The following PLA2R1 variants were observed in gnomAD, a reference collection of about 807,000 sequenced individuals.
PLA2R1 encodes phospholipase A2 receptor 1, also known as secretory phospholipase A2 receptor.
A neutral mutation model predicts 195.9 loss-of-function variants in PLA2R1; 158 were observed. The observed-to-expected ratio is 0.81, with a 90% CI of 0.71 to 0.92. PLA2R1 has a LOEUF of 0.92. Ranked by LOEUF, PLA2R1 falls within the 40% of genes least tolerant of loss-of-function variation. PLA2R1 has a pLI of 0.00. For missense variants in PLA2R1, 1,626 were observed against 1,764.6 expected, an observed-to-expected ratio of 0.92 and a Z score of 1.41; for synonymous variants, 586 against 598.2, an observed-to-expected ratio of 0.98 and a Z score of 0.30.
At chr2:159,953,619 G>A (rs1320575812) in intron 23 of PLA2R1, among the ~76,000 whole-genome samples, 1 of 152,208 alleles carries the variant, frequency 6.6e-6, no homozygotes, top group Non-Finnish European at 1.5e-5. Context: ...ACAAAGAAGG[G>A]TGGGAACCCA....
At position 159,955,228 on chromosome 2, in the gene PLA2R1, C is replaced by T. The variant is rs778997231; in HGVS notation, c.3272G>A (p.Gly1091Asp). ...KWYFEDCGKE[G>D]YGFVCEKMQD... ...CATTTTTTCACAAACAAACCCATAG[C>T]CTTCCTTTCCACAGTCTTCAAAATA... Residue 1091 changes from glycine (G) to aspartate (D), a missense_variant, in exon 23 of 30, where the codon GGC becomes GAC. Transcript: ENST00000283243. The T allele has an allele frequency of 2.5e-5, 40 of 1,609,940 alleles. No individual in the cohort carries two copies. The highest frequency in any genetic ancestry group is 2.7e-5 in the Non-Finnish European group (32 of 1,178,164).
intron 11 of PLA2R1, among the ~76,000 whole-genome samples, chr2:159,993,372 C>A (rs963264892): frequency 4.0e-5 from 6 of 151,532 alleles, no homozygotes; most frequent in Non-Finnish European, 7.4e-5. Flanking sequence ...AAAGGAAATC[C>A]AGTTAAAATA....
intron 11 of PLA2R1, among the ~76,000 whole-genome samples, chr2:159,997,408 C>T (rs1558886657): frequency 6.6e-6 from 1 of 152,102 alleles, no homozygotes; most frequent in Non-Finnish European, 1.5e-5. Flanking sequence ...GATAAAACTC[C>T]AGTAGCAGTC....
In PLA2R1 at chr2:159,946,785, T is replaced by C; in HGVS notation, c.3967+16A>G. On this transcript the variant is annotated intron_variant, in intron 27 of 29. Transcript: ENST00000283243. ...ATGTATTTATTTATGTCCTCTCCTC[T>C]ACCCAAATCACTTACTGTTACCATC... 1 of 1,596,826 alleles carries C rather than the reference T, an allele frequency of 6.3e-7. No homozygotes were observed. The highest frequency in any genetic ancestry group is 8.5e-7 in the Non-Finnish European group (1 of 1,175,614).
chr2:160,044,881 G>T lies in PLA2R1; in HGVS notation c.386C>A (p.Ser129Tyr). 1.2e-6 allele frequency: 2 copies of T among 1,614,176 alleles called. No homozygotes were observed. Among genetic ancestry groups the T allele is most frequent in the Non-Finnish European group, 1.7e-6 (2 of 1,179,978 alleles). Residue 129 changes from serine (S) to tyrosine (Y), a missense_variant, in exon 2 of 30, where the codon TCT becomes TAT. By Grantham distance (144) the Ser-to-Tyr change is moderately radical. Coordinates refer to ENST00000283243, the MANE Select transcript of PLA2R1 (RefSeq NM_007366.5). The stretch of plus-strand genomic sequence containing the variant: ...TGTGTTGTCATGCGCCACCTGGACA[G>T]AGTACTGCAGCGGGCCTGTGATCAT... The part of the protein sequence containing the change: ...RKMITGPLQY[S>Y]VQVAHDNTVV...
At chr2:160,003,162 T>C (rs1317865564) in intron 11 of PLA2R1, among the ~76,000 whole-genome samples, 1 of 152,018 alleles carries the variant, frequency 6.6e-6, no homozygotes, top group Non-Finnish European at 1.5e-5. Flanking sequence ...AAAATTAAAA[T>C]GAGCTATCTC....
intron 1 of PLA2R1, among the ~76,000 whole-genome samples, chr2:160,058,920 G>A (rs1391430201): frequency 6.6e-6 from 1 of 152,126 alleles, no homozygotes; most frequent in Non-Finnish European, 1.5e-5. Flanking sequence ...TTATTACATT[G>A]TAATATATAA....
chr2:160,020,354 C>G, intron 7 of PLA2R1, 91 bp from the exon 8 acceptor site: 1 of 741,838 alleles, frequency 1.3e-6, no homozygotes, highest in South Asian at 1.9e-5. Context: ...TACCACTTCA[C>G]ATGTGATTTC....
intron 10 of PLA2R1, among the ~76,000 whole-genome samples, chr2:160,011,154 A>AT (rs894582752): frequency 1.6e-4 from 24 of 152,274 alleles, no homozygotes; most frequent in Non-Finnish European, 2.9e-4. Flanking sequence ...AATGAAACAG[A>AT]TTTTTTTCCC....
intron 7 of PLA2R1, among the ~76,000 whole-genome samples, chr2:160,021,800 T>C (rs1440160974): frequency 6.6e-6 from 1 of 152,230 alleles, no homozygotes; most frequent in Non-Finnish European, 1.5e-5. Context: ...CCTTTTTCTT[T>C]TTTCTGCCAT....
intron 1 of PLA2R1, among the ~76,000 whole-genome samples, chr2:160,061,091 A>G (rs1372016362): frequency 6.6e-6 from 1 of 152,244 alleles, no homozygotes; most frequent in Admixed American, 6.5e-5. Context: ...TCTACTGTGG[A>G]GGAAAAAATG....
At chr2:159,928,413 C>A (rs115724052), downstream of PLA2R1, among the ~76,000 whole-genome samples, 4,342 of 152,154 alleles carry the variant, frequency 0.029, 92 homozygotes, top group Non-Finnish European at 0.046. Flanking sequence ...TATTAATTTA[C>A]AAGGAGAAAT....
chr2:160,042,134 A>T lies in PLA2R1; in HGVS notation c.558T>A (p.His186Gln). 1.2e-6 allele frequency: 2 copies of T among 1,614,046 alleles called. No homozygotes were observed. Among genetic ancestry groups the T allele is most frequent in the Non-Finnish European group, 1.7e-6 (2 of 1,179,858 alleles). ...MPCMFPFQYN[H>Q]QWHHECTREG... is the part of the protein sequence containing the mutation. ...CACGGGTACATTCATGATGCCACTG[A>T]TGGTTATACTGGAAGGGAAACATAC... is the stretch of plus-strand genomic sequence containing the variant. Residue 186 changes from histidine to glutamine, a missense_variant, in exon 3 of 30, where the codon CAT (histidine) becomes CAA (glutamine). Coordinates refer to ENST00000283243, the MANE Select transcript of PLA2R1 (RefSeq NM_007366.5).
intron 3 of PLA2R1, among the ~76,000 whole-genome samples, chr2:160,034,658 C>G (rs1694063359): frequency 6.6e-6 from 1 of 152,208 alleles, no homozygotes; most frequent in African/African-American, 2.4e-5. Flanking sequence ...TTAGGACAGT[C>G]ACAGTGGCTC....
At chr2:159,928,748 T>C (rs150077369), downstream of PLA2R1, among the ~76,000 whole-genome samples, 36 of 152,294 alleles carry the variant, frequency 2.4e-4, 1 homozygote, top group East Asian at 4.4e-3. Flanking sequence ...ATTATCTGAC[T>C]TCAAACTATA....
the PLA2R1 span, among the ~76,000 whole-genome samples, chr2:159,924,263 C>G: frequency 6.6e-6 from 1 of 152,184 alleles, no homozygotes; most frequent in Non-Finnish European, 1.5e-5. Context: ...CTGGGTAATG[C>G]AGGATGATTT....
intron 17 of PLA2R1, 124 bp downstream of exon 17, chr2:159,975,944 T>C (rs1350277800): frequency 7.9e-6 from 6 of 758,388 alleles, no homozygotes; most frequent in African/African-American, 3.5e-5. Context: ...CTGAAATCTA[T>C]GGCTTTTACT....
intron 17 of PLA2R1, among the ~76,000 whole-genome samples, chr2:159,971,133 A>G (rs1053268643): frequency 1.3e-4 from 20 of 152,218 alleles, no homozygotes; most frequent in Non-Finnish European, 2.6e-4. Flanking sequence ...TATATGTGTC[A>G]ACATGGACAC....
At chr2:159,986,336 C>T (rs1202544883) in intron 12 of PLA2R1, among the ~76,000 whole-genome samples, 2 of 152,132 alleles carry the variant, frequency 1.3e-5, no homozygotes, top group African/African-American at 4.8e-5. Flanking sequence ...ATCTAAAGCA[C>T]TTCTGGTTCC....
Sources: gnomAD v4.1 joint callset for allele counts (sites outside exome capture counted in the v4.1 genomes callset) on GRCh38, gnomAD v4.1.1 for gene constraint, MANE v1.5 for transcripts, NCBI Gene and HGNC (gene_info 2026-07-23, HGNC 2026-07-21) for gene names.